The following DYRK2 variants were observed in gnomAD, a reference collection of about 807,000 sequenced individuals.
DYRK2 encodes dual specificity tyrosine-phosphorylation-regulated kinase 2.
In DYRK2, 12 loss-of-function variants were observed where a neutral mutation model predicts 41.6. The observed-to-expected ratio is 0.29, with a 90% CI of 0.18 to 0.47. The LOEUF (loss-of-function observed/expected upper bound fraction) is 0.47, where lower values mean the gene tolerates loss of function less well. Among genes scored for constraint, DYRK2 ranks in the 20% least tolerant of loss-of-function variants. The pLI is 1.00. For synonymous variants in DYRK2, 322 were observed against 315.7 expected, an observed-to-expected ratio of 1.02 and a Z score of -0.21; for missense variants, 678 against 798.4, an observed-to-expected ratio of 0.85 and a Z score of 1.82.
chr12:67,649,280 A>C, intron 1 of DYRK2, 98 bp downstream of exon 1: 105 of 964,606 alleles, frequency 1.1e-4, no homozygotes, highest in Non-Finnish European at 1.3e-4. Context: ...ACCTCGAACA[A>C]AGTCGGCGGC....
At position 67,658,398 on chromosome 12, in the gene DYRK2, G is replaced by T. The variant is rs3741644; in HGVS notation, c.1491G>T (p.Gly497=). ...LRGPPESREW[G]NALKGCDDPL... ...GCCCACCGGAGAGCAGAGAGTGGGG[G>T]AACGCGCTGAAGGGGTGTGATGATC... is the stretch of plus-strand genomic sequence containing the variant. Residue 497 remains glycine (G), a synonymous_variant, in exon 3 of 3, where the codon GGG becomes GGT. Coordinates refer to ENST00000344096, the MANE Select transcript of DYRK2 (RefSeq NM_006482.3). The surrounding 1 kb of genome is among the most constrained non-coding windows in gnomAD (Gnocchi z 4.3). 942,519 of 1,601,064 alleles carry T rather than the reference G, an allele frequency of 0.59. 281,412 individuals carry two copies. The highest frequency in any genetic ancestry group is 0.66 in the East Asian group (29,397 of 44,750).
In DYRK2 at chr12:67,661,594, A is replaced by G. The variant is rs1184138520; in HGVS notation, c.*2881A>G. On this transcript the variant is annotated 3_prime_UTR_variant, in exon 3 of 3. Coordinates refer to ENST00000344096, the MANE Select transcript of DYRK2 (RefSeq NM_006482.3). Reference sequence around the variant, plus strand: ...TGGCCTCTTTAACTCTTCGAATTCTAGTCAGTAAGAATGGAACCCATCTCT... The same window carrying G: ...TGGCCTCTTTAACTCTTCGAATTCTGGTCAGTAAGAATGGAACCCATCTCT... 6.0e-6 allele frequency: 1 copy of G among 167,020 alleles called. No homozygotes were observed. The highest frequency in any genetic ancestry group is 2.4e-5 in the African/African-American group (1 of 41,438). The allele number at this position is 167,020 out of a possible 1,614,324, so 10.3% of individuals were successfully genotyped here. A position where few individuals can be genotyped will look rare whatever the true frequency, so the allele number is the denominator to read the frequency against.
rs756730510 is a variant in DYRK2 at position 67,658,039 on chromosome 12, C to T, written c.1132C>T (p.Arg378Cys). 2.0e-5 allele frequency: 33 copies of T among 1,614,078 alleles called. No individual in the cohort carries two copies. The highest frequency in any genetic ancestry group is 1.1e-4 in the East Asian group (5 of 44,886). The part of the protein sequence containing the change: ...DFGSSCYEHQ[R>C]VYTYIQSRFY... ...TGGCTCCAGTTGTTACGAGCATCAG[C>T]GTGTCTACACGTACATCCAGTCGCG... Residue 378 changes from arginine to cysteine, a missense_variant, in exon 3 of 3, where the codon CGT (arginine) becomes TGT (cysteine). Physicochemically the swap from Arg to Cys is radical, Grantham distance 180 (BLOSUM62 -3). Around this residue, in one of 2 missense-constraint regions of DYRK2, gnomAD observed 393 missense variants for 519.1 expected, o/e 0.76. Coordinates refer to ENST00000344096, the MANE Select transcript of DYRK2 (RefSeq NM_006482.3). The surrounding 1 kb of genome is among the most constrained non-coding windows in gnomAD (Gnocchi z 4.3).
intron 2 of DYRK2, among the ~76,000 whole-genome samples, chr12:67,653,711 A>G (rs1373076091): frequency 6.6e-6 from 1 of 152,168 alleles, no homozygotes; most frequent in Non-Finnish European, 1.5e-5. Flanking sequence ...ACTCCAAGAG[A>G]GGCAAGAGTT....
In DYRK2 at chr12:67,663,125, A is replaced by G. The variant is rs946666690; in HGVS notation, c.*4412A>G. 1 of 150,104 alleles carries G rather than the reference A, an allele frequency of 6.7e-6. No individual in the cohort carries two copies. The highest frequency in any genetic ancestry group is 2.5e-5 in the African/African-American group (1 of 40,704). 9.3% of individuals were successfully genotyped at this position (150,104 alleles called of 1,614,324 possible). On this transcript the variant is annotated 3_prime_UTR_variant, in exon 3 of 3. Transcript: ENST00000344096. Reference sequence around the variant, plus strand: ...ATTCTAATGTGCTCTAACCAGTTCCACCCAATGTTTTTTAATGCTTATGAG... The same window carrying G: ...ATTCTAATGTGCTCTAACCAGTTCCGCCCAATGTTTTTTAATGCTTATGAG...
chr12:67,658,483 C>T lies in DYRK2; in HGVS notation c.1576C>T (p.Pro526Ser). 1.2e-6 allele frequency: 2 copies of T among 1,607,364 alleles called. No individual in the cohort carries two copies. The highest frequency in any genetic ancestry group is 1.7e-6 in the Non-Finnish European group (2 of 1,176,854). Reference sequence around the variant, plus strand: ...GTGGGATCCTGCAGTGCGCATGACCCCAGGCCAGGCTTTGCGGCACCCCTG... The same window carrying T: ...GTGGGATCCTGCAGTGCGCATGACCTCAGGCCAGGCTTTGCGGCACCCCTG... ...LEWDPAVRMT[P>S]GQALRHPWLR... The change falls in exon 3 of 3, where the codon CCA becomes TCA. Residue 526 changes from proline (P) to serine (S), a missense_variant. Pro to Ser is a moderately conservative substitution (Grantham distance 74). Coordinates refer to ENST00000344096, the MANE Select transcript of DYRK2 (RefSeq NM_006482.3). This position sits in a 1 kb window ranked among gnomAD's most constrained non-coding sequence, Gnocchi z 4.3.
Position 67,658,269 on chromosome 12 carries a change from T to G in DYRK2, c.1362T>G (p.Asn454Lys), listed in dbSNP as rs954680330. ...KLLDASKRAK[N>K]FVSSKGYPRY... is the part of the protein sequence containing the mutation. ...TGGATGCATCCAAACGAGCCAAAAATTTTGTGAGCTCCAAGGGTTATCCCC... is the reference window on the plus strand; with the variant it reads ...TGGATGCATCCAAACGAGCCAAAAAGTTTGTGAGCTCCAAGGGTTATCCCC... Residue 454 changes from asparagine to lysine, a missense_variant, in exon 3 of 3, where the codon AAT (asparagine) becomes AAG (lysine). Coordinates refer to ENST00000344096, the MANE Select transcript of DYRK2 (RefSeq NM_006482.3). This position sits in a 1 kb window ranked among gnomAD's most constrained non-coding sequence, Gnocchi z 4.3. The G allele has an allele frequency of 7.4e-6, 12 of 1,614,040 alleles. No individual in the cohort carries two copies. Among genetic ancestry groups the G allele is most frequent in the African/African-American group, 1.3e-5 (1 of 74,922 alleles).
intron 1 of DYRK2, 176 bp from the exon 2 acceptor site, chr12:67,649,604 TGCAGCTGCCCGCGCCCC>T: frequency 1.6e-6 from 1 of 638,474 alleles, no homozygotes; most frequent in African/African-American, 1.9e-5. Context: ...CACTTAACTT[TGCAGCTGCCCGCGCCCC>T]GCCCGTGGGT....
rs1343830940 is a variant in DYRK2, at chr12:67,659,352, G to A, written c.*639G>A. The A allele has an allele frequency of 6.0e-6, 1 of 167,056 alleles. No individual in the cohort carries two copies. Among genetic ancestry groups the A allele is most frequent in the Non-Finnish European group, 1.5e-5 (1 of 68,096 alleles). 10.3% of individuals were successfully genotyped at this position (167,056 alleles called of 1,614,324 possible). On this transcript the variant is annotated 3_prime_UTR_variant, in exon 3 of 3. Transcript: ENST00000344096. ...AAAAGCCGGCAAAGCAGCTTTTAGT[G>A]GATAAATGGGAATGGAAACGTGTGT...
chr12:67,649,924 CGCT>C lies in DYRK2; in HGVS notation c.180_182del (p.Ala64del). On this transcript the variant is annotated inframe_deletion, in exon 2 of 3. Transcript: ENST00000344096. ...CCCTGCCGCCTCTCCGGGCCAGCAA[CGCT>C]GCCGCCGCAGCCCACACGGTGAGAC... The C allele has an allele frequency of 7.3e-7, 1 of 1,377,562 alleles. No homozygotes were observed. Among genetic ancestry groups the C allele is most frequent in the Non-Finnish European group, 9.3e-7 (1 of 1,073,108 alleles). The allele number at this position is 1,377,562 out of a possible 1,614,324, so 85.3% of individuals were successfully genotyped here. A position where few individuals can be genotyped will look rare whatever the true frequency, so the allele number is the denominator to read the frequency against.
At chr12:67,649,206 C>T (rs1338806960) in intron 1 of DYRK2, 24 bp downstream of exon 1, 6 of 1,480,394 alleles carry the variant, frequency 4.1e-6, no homozygotes, top group Admixed American at 4.1e-5. Context: ...GCCGCCGCGC[C>T]GCATCCCCGG....
intron 2 of DYRK2, among the ~76,000 whole-genome samples, chr12:67,653,977 TTGAC>T (rs1411249674): frequency 2.0e-5 from 3 of 152,236 alleles, no homozygotes; most frequent in African/African-American, 7.2e-5. Context: ...AATGCTCTCA[TTGAC>T]TGACTACTAA....
chr12:67,651,255 G>C (rs997189842), intron 2 of DYRK2, among the ~76,000 whole-genome samples: 8 of 152,288 alleles, frequency 5.3e-5, no homozygotes, highest in Middle Eastern at 3.4e-3. Flanking sequence ...TTAAGGGACT[G>C]CCATTGATTT....
At chr12:67,650,200 TC>T (rs1351290735) in intron 2 of DYRK2, among the ~76,000 whole-genome samples, 1 of 152,238 alleles carries the variant, frequency 6.6e-6, no homozygotes, top group Non-Finnish European at 1.5e-5. Flanking sequence ...GACCTCCTCT[TC>T]CTAGGAACTT....
intron 2 of DYRK2, 151 bp downstream of exon 2, chr12:67,650,096 G>T: frequency 2.2e-6 from 2 of 910,708 alleles, no homozygotes; most frequent in Non-Finnish European, 2.9e-6. Flanking sequence ...CGTCGACGCC[G>T]CCCTGGTTAA....
chr12:67,650,301 C>T (rs1323172438), intron 2 of DYRK2, among the ~76,000 whole-genome samples: 1 of 152,210 alleles, frequency 6.6e-6, no homozygotes, highest in Non-Finnish European at 1.5e-5. Flanking sequence ...TGTCCTTCCC[C>T]CACCTCCCCG....
At position 67,657,392 on chromosome 12, in the gene DYRK2, A is replaced by C; in HGVS notation, c.485A>C (p.Gln162Pro). The change falls in exon 3 of 3, where the codon CAA (glutamine) becomes CCA (proline). Residue 162 changes from glutamine (Q) to proline (P), a missense_variant. This residue lies in a region of DYRK2 where 285 missense variants were observed against 279.2 expected (regional missense o/e 1.02). Transcript: ENST00000344096. The surrounding 1 kb of genome is among the most constrained non-coding windows in gnomAD (Gnocchi z 4.8). ...ATGACACCTGAACAAGCAATGAAGC[A>C]ATACATGCAAAAACTCACAGCCTTC... is the stretch of plus-strand genomic sequence containing the variant. The part of the protein sequence containing the change: ...TPMTPEQAMK[Q>P]YMQKLTAFEH... 2 of 1,614,204 alleles carry C rather than the reference A, an allele frequency of 1.2e-6. No individual in the cohort carries two copies. The highest frequency in any genetic ancestry group is 1.7e-6 in the Non-Finnish European group (2 of 1,180,038).
In DYRK2 at chr12:67,661,215, AAAG is replaced by A. The variant is rs1872615137; in HGVS notation, c.*2505_*2507del. 6.0e-6 allele frequency: 1 copy of A among 166,960 alleles called. No individual in the cohort carries two copies. The highest frequency in any genetic ancestry group is 1.5e-5 in the Non-Finnish European group (1 of 68,116). The allele number at this position is 166,960 out of a possible 1,614,324, so 10.3% of individuals were successfully genotyped here. Reference sequence around the variant, plus strand: ...TTCTAGTTTGATTGTCATGTCAAAAAAAGAAAAATGTTGCATCTTTGTGATTTT... The same window carrying A: ...TTCTAGTTTGATTGTCATGTCAAAAAAAAAATGTTGCATCTTTGTGATTTT... On this transcript the variant is annotated 3_prime_UTR_variant, in exon 3 of 3. Transcript: ENST00000344096.
In DYRK2 at chr12:67,659,119, A is replaced by G. The variant is rs978464485; in HGVS notation, c.*406A>G. The G allele has an allele frequency of 1.2e-5, 2 of 172,508 alleles. No individual in the cohort carries two copies. Among genetic ancestry groups the G allele is most frequent in the Admixed American group, 1.3e-4 (2 of 15,500 alleles). The allele number at this position is 172,508 out of a possible 1,614,324, so 10.7% of individuals were successfully genotyped here. A position where few individuals can be genotyped will look rare whatever the true frequency, so the allele number is the denominator to read the frequency against. On this transcript the variant is annotated 3_prime_UTR_variant, in exon 3 of 3. Transcript: ENST00000344096. ...CCCTTAAGGCCCTCCTTTTCCCTCCATGCTCCAGGTCCATGCACAGGTGTA... is the reference window on the plus strand; with the variant it reads ...CCCTTAAGGCCCTCCTTTTCCCTCCGTGCTCCAGGTCCATGCACAGGTGTA...
Sources: gnomAD v4.1 joint callset for allele counts (sites outside exome capture counted in the v4.1 genomes callset) on GRCh38, gnomAD v4.1.1 for gene constraint, gnomAD v4.1.1 regional missense constraint, Gnocchi (gnomAD v3.1) non-coding constraint, MANE v1.5 for transcripts, NCBI Gene and HGNC (gene_info 2026-07-23, HGNC 2026-07-21) for gene names.